The following NUDT13 variants were observed in gnomAD, a reference collection of about 807,000 sequenced individuals.
NUDT13 encodes the protein nudix hydrolase 13, also known as NAD(P)H pyrophosphatase NUDT13, mitochondrial.
Under a neutral mutation model 41.7 loss-of-function variants are expected in NUDT13, and 40 were observed. The observed-to-expected ratio is 0.96, with a 90% CI of 0.75 to 1.25. The LOEUF (loss-of-function observed/expected upper bound fraction) is 1.25. NUDT13 is among the 50% of genes most tolerant of loss of function. The pLI, the probability that NUDT13 is intolerant of heterozygous loss-of-function variation, is 0.00. For missense variants in NUDT13, 390 were observed against 416.1 expected, an observed-to-expected ratio of 0.94 and a Z score of 0.55; for synonymous variants, 145 against 155.5, an observed-to-expected ratio of 0.93 and a Z score of 0.50.
At chr10:73,112,521 C>T (rs1174736440) in intron 1 of NUDT13, among the ~76,000 whole-genome samples, 3 of 151,066 alleles carry the variant, frequency 2.0e-5, no homozygotes, top group African/African-American at 4.9e-5. Flanking sequence ...ATAATATATA[C>T]TTTTTGACAA....
chr10:73,130,952 C>A lies in NUDT13; in HGVS notation c.*49C>A. 6.7e-7 allele frequency: 1 copy of A among 1,486,230 alleles called. No homozygotes were observed. Among genetic ancestry groups the A allele is most frequent in the Non-Finnish European group, 9.4e-7 (1 of 1,067,640 alleles). 92.1% of individuals were successfully genotyped at this position (1,486,230 alleles called of 1,614,324 possible). A position where few individuals can be genotyped will look rare whatever the true frequency, so the allele number is the denominator to read the frequency against. The stretch of plus-strand genomic sequence containing the variant: ...CTCCTTGGTATTCCTGAGGGACAAA[C>A]TAGAGATCAGTTGACAAAGGAGAAG... On this transcript the variant is annotated 3_prime_UTR_variant, in exon 9 of 9. Transcript: ENST00000357321.
chr10:73,125,851 A>AT (rs1374879606), intron 7 of NUDT13, among the ~76,000 whole-genome samples: 1 of 151,676 alleles, frequency 6.6e-6, no homozygotes, highest in Non-Finnish European at 1.5e-5. Context: ...TGCCCGGCTA[A>AT]TTTTTAAAAT....
chr10:73,112,108 T>C (rs1005549829), intron 1 of NUDT13, among the ~76,000 whole-genome samples: 1 of 152,194 alleles, frequency 6.6e-6, no homozygotes, highest in African/African-American at 2.4e-5. Flanking sequence ...CCCAGCACTT[T>C]GGGAGACCCA....
At chr10:73,129,466 G>A (rs1313376452) in intron 8 of NUDT13, among the ~76,000 whole-genome samples, 2 of 151,962 alleles carry the variant, frequency 1.3e-5, no homozygotes, top group African/African-American at 4.8e-5. Flanking sequence ...GAGCCACCAT[G>A]CCCGGCTAGA....
Position 73,130,737 on chromosome 10 carries a change from C to T in NUDT13, c.893C>T (p.Ala298Val). 1 of 1,613,848 alleles carries T rather than the reference C, an allele frequency of 6.2e-7. No individual in the cohort carries two copies. Among genetic ancestry groups the T allele is most frequent in the South Asian group, 1.1e-5 (1 of 91,058 alleles). ...AACTTGAGAGAATTAGAGACAGCTG[C>T]CTGGTTCAGTCATGATGAGGTAGCC... ...QVNLRELETA[A>V]WFSHDEVATA... is the part of the protein sequence containing the mutation. The change falls in exon 9 of 9, where the codon GCC becomes GTC. Residue 298 changes from alanine (A) to valine (V), a missense_variant. Transcript: ENST00000357321.
At chr10:73,125,846 G>A (rs1019378218) in intron 7 of NUDT13, among the ~76,000 whole-genome samples, 1 of 151,408 alleles carries the variant, frequency 6.6e-6, no homozygotes, top group East Asian at 1.9e-4. Context: ...TACCATGCCC[G>A]GCTAATTTTT....
Position 73,122,309 on chromosome 10 carries a change from G to A in NUDT13, c.358G>A (p.Ala120Thr). Residue 120 changes from alanine to threonine, a missense_variant and splice_region_variant, in exon 4 of 9, where the codon GCC (alanine) becomes ACC (threonine). Coordinates refer to ENST00000357321, the MANE Select transcript of NUDT13 (RefSeq NM_015901.6). The part of the protein sequence containing the change: ...LGLDSSFSIS[A>T]SLHKPEMETE... ...TCTGGATAGCTCCTTTTCCATAAGT[G>A]GTACATGACATTATTCCTAACGGGT... 1 of 1,611,078 alleles carries A rather than the reference G, an allele frequency of 6.2e-7. No homozygotes were observed. The highest frequency in any genetic ancestry group is 8.5e-7 in the Non-Finnish European group (1 of 1,179,044).
chr10:73,116,209 A>G (rs1564648432), intron 2 of NUDT13, among the ~76,000 whole-genome samples: 1 of 151,696 alleles, frequency 6.6e-6, no homozygotes, highest in South Asian at 2.1e-4. Flanking sequence ...GGGTCTTGCT[A>G]TGTTGCCCAG....
intron 4 of NUDT13, among the ~76,000 whole-genome samples, chr10:73,123,047 C>T (rs749098496): frequency 1.2e-4 from 18 of 151,114 alleles, no homozygotes; most frequent in Non-Finnish European, 2.1e-4. Flanking sequence ...ATTACAGGCA[C>T]GTGCCACCAT....
Position 73,125,126 on chromosome 10 carries a change from T to C in NUDT13, c.474T>C (p.Ala158=). Residue 158 remains alanine (A), a synonymous_variant, in exon 6 of 9, where the codon GCT becomes GCC. Coordinates refer to ENST00000357321, the MANE Select transcript of NUDT13 (RefSeq NM_015901.6). Reference sequence around the variant, plus strand: ...CATCATTGTGTTCCTAGGCTCAAGCTCTTCTCCGCTGGCATGATGCTCATC... The same window carrying C: ...CATCATTGTGTTCCTAGGCTCAAGCCCTTCTCCGCTGGCATGATGCTCATC... ...RDASLLSTAQ[A]LLRWHDAHQF... 6.2e-7 allele frequency: 1 copy of C among 1,608,676 alleles called. No homozygotes were observed. Among genetic ancestry groups the C allele is most frequent in the Non-Finnish European group, 8.5e-7 (1 of 1,178,602 alleles).
chr10:73,121,503 A>G (rs974561163), intron 3 of NUDT13, among the ~76,000 whole-genome samples: 3 of 152,120 alleles, frequency 2.0e-5, no homozygotes, highest in African/African-American at 7.2e-5. Flanking sequence ...GTCCTTCATG[A>G]ACAAGTGTAT....
intron 4 of NUDT13, among the ~76,000 whole-genome samples, chr10:73,122,702 G>C (rs944173969): frequency 6.6e-6 from 1 of 151,358 alleles, no homozygotes; most frequent in Non-Finnish European, 1.5e-5. Flanking sequence ...CTCCTGAGTA[G>C]CTGGGACCAT....
chr10:73,123,471 T>C (rs189888505), intron 4 of NUDT13, among the ~76,000 whole-genome samples: 1 of 152,232 alleles, frequency 6.6e-6, no homozygotes, highest in African/African-American at 2.4e-5. Flanking sequence ...GATAAGCTAA[T>C]GCAAATGTTC....
chr10:73,131,152 G>T lies in NUDT13; in HGVS notation c.*249G>T. 2.6e-6 allele frequency: 1 copy of T among 390,046 alleles called. No homozygotes were observed. The highest frequency in any genetic ancestry group is 4.9e-6 in the Non-Finnish European group (1 of 204,432). 24.2% of individuals were successfully genotyped at this position (390,046 alleles called of 1,614,324 possible). On this transcript the variant is annotated 3_prime_UTR_variant, in exon 9 of 9. Coordinates refer to ENST00000357321, the MANE Select transcript of NUDT13 (RefSeq NM_015901.6). The stretch of plus-strand genomic sequence containing the variant: ...CAACTGTCAAAAATCAGGGGGAAGG[G>T]GGAAGCATTAGTTTGGATGTAGGCC...
chr10:73,128,503 CT>C (rs1253135096), intron 8 of NUDT13, among the ~76,000 whole-genome samples: 2 of 152,116 alleles, frequency 1.3e-5, no homozygotes, highest in Non-Finnish European at 2.9e-5. Flanking sequence ...TGTTGAGCAC[CT>C]TTTCACATAC....
intron 2 of NUDT13, among the ~76,000 whole-genome samples, chr10:73,115,486 A>G (rs559488560): frequency 6.6e-6 from 1 of 152,276 alleles, no homozygotes; most frequent in African/African-American, 2.4e-5. Context: ...AAAATTTTAA[A>G]CAAACTAAAT....
intron 1 of NUDT13, among the ~76,000 whole-genome samples, chr10:73,112,166 C>T (rs1382101182): frequency 2.0e-5 from 3 of 152,128 alleles, no homozygotes; most frequent in Non-Finnish European, 4.4e-5. Flanking sequence ...GCCTGACCAA[C>T]ATGGAGAAAC....
At chr10:73,113,736 T>C (rs1369966343) in intron 1 of NUDT13, among the ~76,000 whole-genome samples, 1 of 152,240 alleles carries the variant, frequency 6.6e-6, no homozygotes, top group Non-Finnish European at 1.5e-5. Flanking sequence ...TCATCAGTGA[T>C]TCATAATTAT....
chr10:73,111,435 G>A (rs1842365568), intron 1 of NUDT13, among the ~76,000 whole-genome samples: 1 of 152,066 alleles, frequency 6.6e-6, no homozygotes, highest in Admixed American at 6.6e-5. Flanking sequence ...GTGCAGTGGC[G>A]CGATCTCGGC....
Sources: gnomAD v4.1 joint callset for allele counts (sites outside exome capture counted in the v4.1 genomes callset) on GRCh38, gnomAD v4.1.1 for gene constraint, MANE v1.5 for transcripts, NCBI Gene and HGNC (gene_info 2026-07-23, HGNC 2026-07-21) for gene names.